Variants in SLC9A8 observed in about 807,000 individuals in gnomAD.
The protein encoded by SLC9A8 is solute carrier family 9 member A8, also known as sodium/hydrogen exchanger 8.
A neutral mutation model predicts 66.6 loss-of-function variants in SLC9A8; 48 were observed. That is an observed-to-expected ratio of 0.72 (90% CI 0.57 to 0.92). SLC9A8 has a LOEUF of 0.92. SLC9A8 is among the 40% of genes least tolerant of loss of function. SLC9A8 has a pLI of 0.00. For missense variants in SLC9A8, 599 were observed against 747.3 expected, an observed-to-expected ratio of 0.80 and a Z score of 2.31; for synonymous variants, 274 against 282.6, an observed-to-expected ratio of 0.97 and a Z score of 0.31.
At chr20:49,850,896 A>T in intron 7 of SLC9A8, 52 bp downstream of exon 7, 1 of 1,377,558 alleles carries the variant, frequency 7.3e-7, no homozygotes, top group African/African-American at 1.4e-5. Context: ...GACAGGGGAA[A>T]TGTTTCTCCA....
At chr20:49,847,916 T>TTG (rs1203761865) in intron 5 of SLC9A8, among the ~76,000 whole-genome samples, 48 of 148,732 alleles carry the variant, frequency 3.2e-4, no homozygotes, top group Middle Eastern at 3.4e-3. Flanking sequence ...TGTTTTTTTT[T>TTG]TTTTTTTTTT....
chr20:49,887,143 T>A (rs946794531), intron 15 of SLC9A8, among the ~76,000 whole-genome samples: 4 of 152,228 alleles, frequency 2.6e-5, no homozygotes, highest in African/African-American at 9.6e-5. Flanking sequence ...TTGGTTTTCC[T>A]GGATGATAGA....
chr20:49,885,364 T>C (rs1466611417), intron 14 of SLC9A8, among the ~76,000 whole-genome samples: 1 of 152,172 alleles, frequency 6.6e-6, no homozygotes, highest in Admixed American at 6.6e-5. Flanking sequence ...CTCACTCTAT[T>C]GCACAGGCTG....
At chr20:49,850,865 C>T in intron 7 of SLC9A8, 21 bp downstream of exon 7, 1 of 1,570,888 alleles carries the variant, frequency 6.4e-7, no homozygotes, top group Non-Finnish European at 8.7e-7. Context: ...CATACTGTAA[C>T]ACCCATGCGA....
rs139067503 is a variant in SLC9A8, at chr20:49,843,634, A to C, written c.349-1402A>C. ...CCAATATATATTTCCCCAAAATTCT[A>C]CCAACAACTAGAGAGATATATTAAT... On this transcript the variant is annotated intron_variant, in intron 4 of 15. Transcript: ENST00000361573. Among the ~76,000 whole-genome samples the C allele has an allele frequency of 3.3e-5, 5 of 152,302 alleles. No individual in the cohort carries two copies. The East Asian group carries it at 9.6e-4, about 29-fold the overall frequency.
chr20:49,823,799 G>A (rs1042682342), intron 3 of SLC9A8, among the ~76,000 whole-genome samples: 1 of 152,172 alleles, frequency 6.6e-6, no homozygotes, highest in Admixed American at 6.5e-5. Flanking sequence ...AGACATGTAA[G>A]GCACAGTAAA....
Position 49,888,073 on chromosome 20 carries a change from T to C in SLC9A8, c.*137T>C. The C allele has an allele frequency of 1.5e-6, 1 of 667,574 alleles. No homozygotes were observed. The highest frequency in any genetic ancestry group is 2.6e-6 in the Non-Finnish European group (1 of 385,120). The allele number at this position is 667,574 out of a possible 1,614,324, so 41.4% of individuals were successfully genotyped here. On this transcript the variant is annotated 3_prime_UTR_variant, in exon 16 of 16. Transcript: ENST00000361573. Reference sequence around the variant, plus strand: ...TAAGAGGGCGGGGCGAGGTACTGGCTGCAGAGTCGCCTTAGTCCAGAACCT... The same window carrying C: ...TAAGAGGGCGGGGCGAGGTACTGGCCGCAGAGTCGCCTTAGTCCAGAACCT...
intron 1 of SLC9A8, among the ~76,000 whole-genome samples, chr20:49,813,202 G>A (rs755210600): frequency 1.3e-5 from 2 of 152,210 alleles, no homozygotes; most frequent in Non-Finnish European, 2.9e-5. Context: ...GCTGTCTTGC[G>A]GAAAATACAA....
chr20:49,873,486 A>G (rs2089292034), intron 10 of SLC9A8, among the ~76,000 whole-genome samples: 1 of 149,908 alleles, frequency 6.7e-6, no homozygotes, highest in African/African-American at 2.4e-5. Flanking sequence ...TGTCTCCAAA[A>G]AAAAAAAAAA....
chr20:49,844,390 G>GAATTGA (rs1460893268), intron 4 of SLC9A8, among the ~76,000 whole-genome samples: 1 of 152,110 alleles, frequency 6.6e-6, no homozygotes, highest in African/African-American at 2.4e-5. Flanking sequence ...TCTGCAACCA[G>GAATTGA]AATTGAAATT....
At chr20:49,857,611 G>C (rs901243102) in intron 8 of SLC9A8, among the ~76,000 whole-genome samples, 3 of 152,140 alleles carry the variant, frequency 2.0e-5, no homozygotes, top group African/African-American at 7.2e-5. Flanking sequence ...CCAGCTACTC[G>C]AGAGGCTGAG....
At chr20:49,831,941 A>G (rs2087217438) in intron 3 of SLC9A8, among the ~76,000 whole-genome samples, 2 of 152,140 alleles carry the variant, frequency 1.3e-5, no homozygotes, top group South Asian at 4.1e-4. Flanking sequence ...TTGGATTTGC[A>G]TTCCAGTCCT....
rs1267096005 is a variant in SLC9A8 at position 49,863,027 on chromosome 20, C to G, written c.812C>G (p.Ser271Cys). The change falls in exon 9 of 16, where the codon TCT (serine) becomes TGT (cysteine). Residue 271 changes from serine to cysteine, a missense_variant. By Grantham distance (112) the Ser-to-Cys change is moderately radical (BLOSUM62 -1). Transcript: ENST00000361573. ...TACTTCCTCAAAATGTTCTTTGGCTCTGCAGCGCTCGGCACTCTCACTGGC... is the reference window on the plus strand; with the variant it reads ...TACTTCCTCAAAATGTTCTTTGGCTGTGCAGCGCTCGGCACTCTCACTGGC... ...LDYFLKMFFG[S>C]AALGTLTGLI... is the part of the protein sequence containing the mutation. The G allele has an allele frequency of 6.2e-7, 1 of 1,613,862 alleles. No homozygotes were observed. The highest frequency in any genetic ancestry group is 8.5e-7 in the Non-Finnish European group (1 of 1,179,906).
At chr20:49,859,439 C>G (rs1431637709) in intron 8 of SLC9A8, among the ~76,000 whole-genome samples, 7 of 151,182 alleles carry the variant, frequency 4.6e-5, no homozygotes, top group Admixed American at 1.3e-4. Context: ...ACAGAAGATA[C>G]AGAAAAGGGG....
At chr20:49,832,440 T>C (rs562967466) in intron 3 of SLC9A8, among the ~76,000 whole-genome samples, 58 of 152,294 alleles carry the variant, frequency 3.8e-4, no homozygotes, top group African/African-American at 1.4e-3. Flanking sequence ...CAGAGGGCGC[T>C]TGGGATGTTG....
chr20:49,867,837 G>A (rs1359792554), intron 10 of SLC9A8, among the ~76,000 whole-genome samples: 1 of 152,248 alleles, frequency 6.6e-6, no homozygotes, highest in African/African-American at 2.4e-5. Flanking sequence ...CAGACGCAAA[G>A]CTGAAGGCCC....
At chr20:49,850,889 A>G (rs2088221205) in intron 7 of SLC9A8, 45 bp downstream of exon 7, 2 of 1,442,468 alleles carry the variant, frequency 1.4e-6, no homozygotes, top group African/African-American at 2.8e-5. Context: ...CTTTTCAGAC[A>G]GGGGAAATGT....
In SLC9A8 at chr20:49,886,879, C is replaced by T. The variant is rs2089910878; in HGVS notation, c.1619C>T (p.Thr540Ile). 1 of 1,613,950 alleles carries T rather than the reference C, an allele frequency of 6.2e-7. No individual in the cohort carries two copies. Among genetic ancestry groups the T allele is most frequent in the Non-Finnish European group, 8.5e-7 (1 of 1,179,940 alleles). ...LDAKYLNPFF[T>I]RRLTQEDLHH... ...GCCAAGTACCTGAACCCCTTCTTCACTCGGAGGCTGACGCAGGAGGTGGGA... is the reference window on the plus strand; with the variant it reads ...GCCAAGTACCTGAACCCCTTCTTCATTCGGAGGCTGACGCAGGAGGTGGGA... The change falls in exon 15 of 16, where the codon ACT becomes ATT. Residue 540 changes from threonine (T) to isoleucine (I), a missense_variant. Transcript: ENST00000361573. The surrounding 1 kb of genome is among the most constrained non-coding windows in gnomAD (Gnocchi z 4.8).
rs1353212150 is a variant in SLC9A8, at chr20:49,815,188, A to G, written c.207A>G (p.Leu69=). ...GMTIFFSLLV[L]AICIILVHLL... ...CCATTTTCTTCAGCCTCCTTGTCCT[A>G]GGTGAATATGGACACTGTCATCCCC... is the stretch of plus-strand genomic sequence containing the variant. The change falls in exon 2 of 16, where the codon CTA becomes CTG. Residue 69 remains leucine, a splice_region_variant and synonymous_variant. Coordinates refer to ENST00000361573, the MANE Select transcript of SLC9A8 (RefSeq NM_015266.3). 1.3e-6 allele frequency: 2 copies of G among 1,545,606 alleles called. No homozygotes were observed. The highest frequency in any genetic ancestry group is 1.7e-6 in the Non-Finnish European group (2 of 1,143,026).
Sources: allele counts gnomAD v4.1 joint callset (sites outside exome capture counted in the v4.1 genomes callset), GRCh38; gene constraint gnomAD v4.1.1; non-coding constraint Gnocchi (gnomAD v3.1); transcripts MANE v1.5; gene names NCBI Gene and HGNC (gene_info 2026-07-23, HGNC 2026-07-21).